The following CNTN5 variants were observed in gnomAD, a reference collection of about 807,000 sequenced individuals.
CNTN5 encodes contactin 5.
In CNTN5, 77 loss-of-function variants were observed where a neutral mutation model predicts 129.1. The observed-to-expected ratio is 0.60, with a 90% confidence interval of 0.50 to 0.72. The LOEUF (loss-of-function observed/expected upper bound fraction) is 0.72. Among genes scored for constraint, CNTN5 ranks in the 30% least tolerant of loss-of-function variants. The pLI is 0.00. For synonymous variants in CNTN5, 509 were observed against 465.6 expected, an observed-to-expected ratio of 1.09 and a Z score of -1.20; for missense variants, 1,478 against 1,328.8, an observed-to-expected ratio of 1.11 and a Z score of -1.75.
At chr11:99,867,718 C>A (rs964986610) in intron 6 of CNTN5, among the ~76,000 whole-genome samples, 2 of 152,146 alleles carry the variant, frequency 1.3e-5, no homozygotes, top group African/African-American at 4.8e-5. Context: ...CCAGTAGAAT[C>A]TCTCTATTAT....
intron 4 of CNTN5, among the ~76,000 whole-genome samples, chr11:99,823,513 GA>G (rs764300047): frequency 3.4e-5 from 5 of 148,964 alleles, no homozygotes; most frequent in Middle Eastern, 3.5e-3. Context: ...GAGAAAATCT[GA>G]AAAAAAAAGG....
intron 3 of CNTN5, among the ~76,000 whole-genome samples, chr11:99,662,530 C>T (rs1339349321): frequency 6.6e-6 from 1 of 152,172 alleles, no homozygotes; most frequent in Non-Finnish European, 1.5e-5. Flanking sequence ...ATTTTCTTCA[C>T]ATTTTCTCTT....
At chr11:99,709,660 A>T (rs376453720) in intron 3 of CNTN5, among the ~76,000 whole-genome samples, 30 of 151,894 alleles carry the variant, frequency 2.0e-4, no homozygotes, top group Non-Finnish European at 7.4e-5. Flanking sequence ...GCAAATTAAC[A>T]GGTTTTTAAT....
At chr11:99,072,887 CCTT>C (rs1281581230) in intron 1 of CNTN5, among the ~76,000 whole-genome samples, 1 of 152,096 alleles carries the variant, frequency 6.6e-6, no homozygotes, top group Non-Finnish European at 1.5e-5. Context: ...GCCAATAGCA[CCTT>C]CTTCCCACCT....
intron 1 of CNTN5, among the ~76,000 whole-genome samples, chr11:99,064,676 T>C (rs1020035784): frequency 2.0e-5 from 3 of 152,122 alleles, no homozygotes; most frequent in Non-Finnish European, 4.4e-5. Context: ...CAAAATGAAA[T>C]TTGTATAAAA....
At chr11:99,947,232 T>TA (rs11386727) in intron 7 of CNTN5, among the ~76,000 whole-genome samples, 58,986 of 150,858 alleles carry the variant, frequency 0.39, 11,656 homozygotes, top group East Asian at 0.47. Context: ...AGAACTCAAC[T>TA]AAAAAAAACC....
At chr11:100,020,557 G>T (rs1459916658) in intron 9 of CNTN5, among the ~76,000 whole-genome samples, 1 of 152,034 alleles carries the variant, frequency 6.6e-6, no homozygotes, top group Admixed American at 6.6e-5. Context: ...CTGAGATCAG[G>T]AAGTATAATG....
intron 3 of CNTN5, among the ~76,000 whole-genome samples, chr11:99,598,053 T>A (rs1950178129): frequency 6.6e-6 from 1 of 152,116 alleles, no homozygotes; most frequent in Non-Finnish European, 1.5e-5. Flanking sequence ...CATTAGGATG[T>A]GTCTAGAGAT....
At chr11:100,196,068 G>A (rs1948630648) in intron 15 of CNTN5, among the ~76,000 whole-genome samples, 1 of 152,000 alleles carries the variant, frequency 6.6e-6, no homozygotes, top group East Asian at 1.9e-4. Context: ...TCTGCTTTGA[G>A]TTTCCAAGAA....
intron 13 of CNTN5, among the ~76,000 whole-genome samples, chr11:100,125,689 C>A (rs2138184318): frequency 6.6e-6 from 1 of 152,136 alleles, no homozygotes; most frequent in Admixed American, 6.6e-5. Context: ...CCAGTAATAG[C>A]AATGCTGGGT....
intron 2 of CNTN5, among the ~76,000 whole-genome samples, chr11:99,488,361 C>T (rs969997552): frequency 4.6e-5 from 7 of 151,550 alleles, no homozygotes; most frequent in Non-Finnish European, 8.8e-5. Context: ...TTAGTAGAGA[C>T]GGGGTTTCAC....
chr11:99,814,524 A>G (rs1205568341), intron 3 of CNTN5, among the ~76,000 whole-genome samples: 1 of 152,158 alleles, frequency 6.6e-6, no homozygotes, highest in African/African-American at 2.4e-5. Context: ...TTCTTTGGCT[A>G]CAGAGTGTGT....
At chr11:99,413,350 G>A (rs1942485509) in intron 2 of CNTN5, among the ~76,000 whole-genome samples, 1 of 152,190 alleles carries the variant, frequency 6.6e-6, no homozygotes, top group Non-Finnish European at 1.5e-5. Context: ...TGGGCACAGG[G>A]GCTCAGGCCT....
chr11:99,346,183 C>T (rs952158564), intron 2 of CNTN5, among the ~76,000 whole-genome samples: 1 of 152,046 alleles, frequency 6.6e-6, no homozygotes, highest in Non-Finnish European at 1.5e-5. Flanking sequence ...ATATTGACTT[C>T]CAATATAAAG....
At chr11:99,549,557 C>A (rs1020413043) in intron 2 of CNTN5, among the ~76,000 whole-genome samples, 7 of 152,146 alleles carry the variant, frequency 4.6e-5, no homozygotes, top group African/African-American at 1.7e-4. Flanking sequence ...ACGTTTTTCT[C>A]TTCCTAAGTA....
At chr11:99,682,450 GACTATATAA>G (rs1953598938) in intron 3 of CNTN5, among the ~76,000 whole-genome samples, 1 of 151,784 alleles carries the variant, frequency 6.6e-6, no homozygotes, top group African/African-American at 2.4e-5. Context: ...GGGAAATGGG[GACTATATAA>G]ACTATAAATA....
chr11:100,061,116 G>C, intron 9 of CNTN5, 96 bp from the exon 10 acceptor site: 1 of 912,764 alleles, frequency 1.1e-6, no homozygotes, highest in Non-Finnish European at 1.6e-6. Context: ...ACATTTTATT[G>C]CACTCAGCCT....
At chr11:99,936,299 T>C (rs1950313860) in intron 7 of CNTN5, among the ~76,000 whole-genome samples, 1 of 152,232 alleles carries the variant, frequency 6.6e-6, no homozygotes, top group Non-Finnish European at 1.5e-5. Flanking sequence ...CCTAAGCAAA[T>C]GTCCAGTAAG....
At chr11:99,061,064 A>G (rs1864855771) in intron 1 of CNTN5, among the ~76,000 whole-genome samples, 1 of 152,024 alleles carries the variant, frequency 6.6e-6, no homozygotes, top group South Asian at 2.1e-4. Context: ...TTTAAGTAGC[A>G]TTGTGTAAAT....
Sources: gnomAD v4.1 joint callset for allele counts (sites outside exome capture counted in the v4.1 genomes callset) on GRCh38, gnomAD v4.1.1 for gene constraint, MANE v1.5 for transcripts, NCBI Gene and HGNC (gene_info 2026-07-23, HGNC 2026-07-21) for gene names.